Variants in RAB7A observed in about 807,000 individuals in gnomAD.
RAB7A encodes RAB7A, member RAS oncogene family.
Under a neutral mutation model 24.5 loss-of-function variants are expected in RAB7A, and 2 were observed. The observed-to-expected ratio is 0.08, with a 90% CI of 0.03 to 0.26. RAB7A has a LOEUF of 0.26. RAB7A is among the 10% of genes least tolerant of loss of function. The pLI is 1.00. For synonymous variants in RAB7A, 100 were observed against 95.9 expected, an observed-to-expected ratio of 1.04 and a Z score of -0.25; for missense variants, 118 against 255.7, an observed-to-expected ratio of 0.46 and a Z score of 3.67.
Position 128,810,216 on chromosome 3 carries a change from G to A in RAB7A, c.528+2545G>A, listed in dbSNP as rs183356484. Among the ~76,000 whole-genome samples, 3 of 151,792 alleles carry A rather than the reference G, an allele frequency of 2.0e-5. No individual in the cohort carries two copies. The East Asian group carries it at 5.8e-4, about 29-fold the overall frequency. On this transcript the variant is annotated intron_variant, in intron 5 of 5. Transcript: ENST00000265062. ...CCGCCTCAGCCTCCCAAAGTGCTGG[G>A]GTTACAGGCATGAGCCACCGCACCC...
rs558047906 is a variant in RAB7A at position 128,739,189 on chromosome 3, G to A, written c.-9+12830G>A. 5.3e-5 allele frequency among the ~76,000 whole-genome samples: 8 copies of A among 152,260 alleles called. No homozygotes were observed. In the East Asian group the frequency reaches 7.7e-4, roughly 15 times the overall value. ...AGATTTTTCTTTAAAATGTGTACTC[G>A]TTTCTAAATTACAGAAGCAGTATAA... On this transcript the variant is annotated intron_variant, in intron 1 of 5. Coordinates refer to ENST00000265062, the MANE Select transcript of RAB7A (RefSeq NM_004637.6).
intron 1 of RAB7A, among the ~76,000 whole-genome samples, chr3:128,774,891 G>A (rs1933041405): frequency 6.6e-6 from 1 of 151,602 alleles, no homozygotes; most frequent in Non-Finnish European, 1.5e-5. Flanking sequence ...AGTGATTCTT[G>A]TGCCTCAGCC....
chr3:128,732,352 T>C (rs2070447519), intron 1 of RAB7A, among the ~76,000 whole-genome samples: 1 of 151,910 alleles, frequency 6.6e-6, no homozygotes, highest in African/African-American at 2.4e-5. Context: ...ACCTTTTATT[T>C]AAAATGATAC....
At chr3:128,726,875 A>G (rs1402102299) in intron 1 of RAB7A, among the ~76,000 whole-genome samples, 22 of 152,368 alleles carry the variant, frequency 1.4e-4, no homozygotes, top group Admixed American at 1.4e-3. Context: ...CAAGGCAGTG[A>G]GTCAGGTCAC....
chr3:128,747,438 T>C (rs1274630876), intron 1 of RAB7A, among the ~76,000 whole-genome samples: 1 of 151,168 alleles, frequency 6.6e-6, no homozygotes, highest in East Asian at 1.9e-4. Context: ...AATACAAAAT[T>C]AGCTGGGCAT....
chr3:128,800,578 G>A (rs979242897), intron 3 of RAB7A, among the ~76,000 whole-genome samples: 14 of 152,100 alleles, frequency 9.2e-5, no homozygotes, highest in Admixed American at 7.9e-4. Context: ...AGAATTCTGT[G>A]TAAGTCATAA....
chr3:128,753,798 A>G (rs185737771), intron 1 of RAB7A, among the ~76,000 whole-genome samples: 60 of 152,034 alleles, frequency 3.9e-4, no homozygotes, highest in African/African-American at 1.4e-3. Context: ...TGAAAGCCCC[A>G]CCTCTTTATT....
chr3:128,813,480 T>A lies in RAB7A; in HGVS notation c.*58T>A. On this transcript the variant is annotated 3_prime_UTR_variant, in exon 6 of 6. Coordinates refer to ENST00000265062, the MANE Select transcript of RAB7A (RefSeq NM_004637.6). ...ACAAACCAAGAACACACGTAGGCCTTCAACACAATTCCCCTCTCCTCTTCC... is the reference window on the plus strand; with the variant it reads ...ACAAACCAAGAACACACGTAGGCCTACAACACAATTCCCCTCTCCTCTTCC... The A allele has an allele frequency of 6.9e-7, 1 of 1,453,568 alleles. No individual in the cohort carries two copies. Among genetic ancestry groups the A allele is most frequent in the Non-Finnish European group, 9.7e-7 (1 of 1,035,612 alleles). 90.0% of individuals were successfully genotyped at this position (1,453,568 alleles called of 1,614,324 possible).
At position 128,795,751 on chromosome 3, in the gene RAB7A, C is replaced by CTTTTTTTTTTTTTGTTTTTTTTT. The variant is rs1933556135; in HGVS notation, c.53+344_53+345insGTTTTTTTTTTTTTTTTTTTTTT. ...ATTGGCATCTGGCGTAGCAGATGTG[C>CTTTTTTTTTTTTTGTTTTTTTTT]TTTTTTTTTTTTTTTTTGGAGACAG... On this transcript the variant is annotated intron_variant, in intron 2 of 5. Coordinates refer to ENST00000265062, the MANE Select transcript of RAB7A (RefSeq NM_004637.6). Among the ~76,000 whole-genome samples, 2 of 43,032 alleles carry CTTTTTTTTTTTTTGTTTTTTTTT rather than the reference C, an allele frequency of 4.6e-5. 1 individual carries two copies. Among genetic ancestry groups the CTTTTTTTTTTTTTGTTTTTTTTT allele is most frequent in the Non-Finnish European group, 9.4e-5 (2 of 21,214 alleles). 28.2% of individuals were successfully genotyped at this position (43,032 alleles called of 152,430 possible).
intron 3 of RAB7A, chr3:128,798,863 C>A: frequency 3.7e-6 from 1 of 273,332 alleles, no homozygotes; most frequent in Non-Finnish European, 7.0e-6. Context: ...AGGATTTTCC[C>A]TCCTGTATTT....
chr3:128,800,993 G>A lies in RAB7A; in HGVS notation c.180+2924G>A, dbSNP rs575456427. 2.6e-5 allele frequency among the ~76,000 whole-genome samples: 4 copies of A among 152,334 alleles called. No individual in the cohort carries two copies. The East Asian group carries it at 7.7e-4, about 29-fold the overall frequency. ...TATCCTGATCTTGAGGAATCCTCAT[G>A]TGTTTTTCGAGGGCTTTTAGCAGCT... On this transcript the variant is annotated intron_variant, in intron 3 of 5. Transcript: ENST00000265062.
At chr3:128,769,673 T>C (rs780517514) in intron 1 of RAB7A, among the ~76,000 whole-genome samples, 1 of 152,256 alleles carries the variant, frequency 6.6e-6, no homozygotes, top group Non-Finnish European at 1.5e-5. Flanking sequence ...GTGCTTTTGA[T>C]GTGCTATCTG....
intron 2 of RAB7A, among the ~76,000 whole-genome samples, chr3:128,797,094 C>G (rs983927472): frequency 2.0e-5 from 3 of 152,314 alleles, no homozygotes; most frequent in Middle Eastern, 3.4e-3. Context: ...TTTAGGCCTG[C>G]CTTCCCCAAA....
chr3:128,758,162 C>G (rs2070745188), intron 1 of RAB7A, among the ~76,000 whole-genome samples: 1 of 151,818 alleles, frequency 6.6e-6, no homozygotes, highest in African/African-American at 2.4e-5. Flanking sequence ...CAGCCTCTCA[C>G]TATATTGGTT....
intron 3 of RAB7A, among the ~76,000 whole-genome samples, chr3:128,802,206 T>G (rs1933712352): frequency 6.6e-6 from 1 of 152,224 alleles, no homozygotes; most frequent in South Asian, 2.1e-4. Flanking sequence ...GAAACAAAGA[T>G]CAGAACTGTG....
rs1471499565 is a variant in RAB7A at position 128,814,531 on chromosome 3, C to T, written c.*1109C>T. The T allele has an allele frequency of 2.6e-5, 4 of 152,636 alleles. No homozygotes were observed. Among genetic ancestry groups the T allele is most frequent in the Non-Finnish European group, 5.9e-5 (4 of 68,038 alleles). 9.5% of individuals were successfully genotyped at this position (152,636 alleles called of 1,614,324 possible). ...GATTTTACCTTTGTTCTAGAAGGCG[C>T]TCCTTTCAGGGTTGTGGTATTCTTA... On this transcript the variant is annotated 3_prime_UTR_variant, in exon 6 of 6. Coordinates refer to ENST00000265062, the MANE Select transcript of RAB7A (RefSeq NM_004637.6).
At chr3:128,754,337 A>G (rs1337207068) in intron 1 of RAB7A, among the ~76,000 whole-genome samples, 7 of 152,170 alleles carry the variant, frequency 4.6e-5, no homozygotes, top group Non-Finnish European at 1.0e-4. Context: ...TTAACTTGGT[A>G]TACATTCACA....
At chr3:128,803,932 A>G (rs749688093) in intron 3 of RAB7A, among the ~76,000 whole-genome samples, 104 of 152,294 alleles carry the variant, frequency 6.8e-4, no homozygotes, top group African/African-American at 2.1e-3. Context: ...TTAAATGGAG[A>G]AAACAAAACA....
At chr3:128,737,831 T>TG (rs2070507152) in intron 1 of RAB7A, among the ~76,000 whole-genome samples, 1 of 70,436 alleles carries the variant, frequency 1.4e-5, no homozygotes, top group African/African-American at 6.3e-5. Context: ...TGTAGTTTTT[T>TG]TTTTTTTTTT....
Sources: gnomAD v4.1 joint callset for allele counts (sites outside exome capture counted in the v4.1 genomes callset) on GRCh38, gnomAD v4.1.1 for gene constraint, MANE v1.5 for transcripts, NCBI Gene and HGNC (gene_info 2026-07-23, HGNC 2026-07-21) for gene names.